The following SPATA17 variants were observed in gnomAD, a reference collection of about 807,000 sequenced individuals.
SPATA17 encodes the protein spermatogenesis associated 17, also known as spermatogenesis-associated protein 17.
Under a neutral mutation model 62.2 loss-of-function variants are expected in SPATA17, and 53 were observed. The observed-to-expected ratio is 0.85, with a 90% CI of 0.68 to 1.07. The LOEUF (loss-of-function observed/expected upper bound fraction) is 1.07, where lower values mean the gene tolerates loss of function less well. Among genes scored for constraint, SPATA17 ranks in the 50% least tolerant of loss-of-function variants. The pLI, the probability that SPATA17 is intolerant of heterozygous loss-of-function variation, is 0.00. For synonymous variants in SPATA17, 146 were observed against 146.8 expected, an observed-to-expected ratio of 0.99 and a Z score of 0.04; for missense variants, 466 against 425.5, an observed-to-expected ratio of 1.10 and a Z score of -0.84.
chr1:217,849,191 G>C (rs1675591765), intron 9 of SPATA17, among the ~76,000 whole-genome samples: 1 of 151,994 alleles, frequency 6.6e-6, no homozygotes, highest in African/African-American at 2.4e-5. Context: ...TTGATCTTTT[G>C]CTGTTTTATT....
chr1:217,842,873 G>A (rs1419879594), intron 9 of SPATA17, among the ~76,000 whole-genome samples: 2 of 151,546 alleles, frequency 1.3e-5, no homozygotes. Flanking sequence ...TTTAATCTAT[G>A]TATATAAGGC....
At chr1:217,758,687 T>C (rs922046489) in intron 6 of SPATA17, among the ~76,000 whole-genome samples, 1 of 152,130 alleles carries the variant, frequency 6.6e-6, no homozygotes, top group African/African-American at 2.4e-5. Context: ...GTGATTAACA[T>C]AATCAACAAT....
intron 8 of SPATA17, among the ~76,000 whole-genome samples, chr1:217,797,930 G>A (rs570772701): frequency 7.2e-5 from 11 of 152,120 alleles, no homozygotes; most frequent in Non-Finnish European, 1.6e-4. Context: ...CTTTTAAGCA[G>A]ATATTCTGGG....
chr1:217,708,288 AAGAT>A (rs1351607470), intron 5 of SPATA17, among the ~76,000 whole-genome samples: 3 of 152,128 alleles, frequency 2.0e-5, no homozygotes, highest in Non-Finnish European at 2.9e-5. Context: ...AAGAGTTAAT[AAGAT>A]AGACCACTAG....
intron 5 of SPATA17, among the ~76,000 whole-genome samples, chr1:217,689,242 T>C (rs2102910633): frequency 7.7e-6 from 1 of 129,120 alleles, no homozygotes; most frequent in Non-Finnish European, 1.6e-5. Context: ...TTTTTTTTTT[T>C]TGAGACAGAG....
chr1:217,726,160 G>A (rs985447483), intron 5 of SPATA17, among the ~76,000 whole-genome samples: 1 of 152,108 alleles, frequency 6.6e-6, no homozygotes, highest in African/African-American at 2.4e-5. Flanking sequence ...CATCTGATGA[G>A]GGATGAAGAA....
At chr1:217,649,934 C>CTTTTTTTT (rs771612819) in intron 2 of SPATA17, among the ~76,000 whole-genome samples, 1 of 120,462 alleles carries the variant, frequency 8.3e-6, no homozygotes, top group African/African-American at 3.1e-5. Context: ...AGGCTTCTCT[C>CTTTTTTTT]TTTTTTTTTT....
In SPATA17 at chr1:217,831,865, C is replaced by A. The variant is rs989561395; in HGVS notation, c.1005+30015C>A. 3.9e-5 allele frequency among the ~76,000 whole-genome samples: 6 copies of A among 152,146 alleles called. No individual in the cohort carries two copies. The South Asian group carries it at 8.3e-4, about 21-fold the overall frequency. ...TCACTTTTATGTCATATGTGTATTA[C>A]CTTTAAAAACTATTTCTATTTTATT... On this transcript the variant is annotated intron_variant, in intron 9 of 10. Transcript: ENST00000366933.
intron 5 of SPATA17, among the ~76,000 whole-genome samples, chr1:217,683,834 A>G (rs1260870005): frequency 6.6e-6 from 1 of 151,946 alleles, no homozygotes; most frequent in Non-Finnish European, 1.5e-5. Context: ...TTATTATTAT[A>G]TTAAAAAAAT....
At chr1:217,653,160 T>C (rs1051902645) in intron 3 of SPATA17, among the ~76,000 whole-genome samples, 3 of 152,032 alleles carry the variant, frequency 2.0e-5, no homozygotes, top group East Asian at 3.8e-4. Flanking sequence ...AGTGTGTGGA[T>C]AGATAGATAC....
In SPATA17 at chr1:217,683,250, T is replaced by G. The variant is rs1336086646; in HGVS notation, c.292-8T>G. On this transcript the variant is annotated splice_region_variant and splice_polypyrimidine_tract_variant and intron_variant, in intron 4 of 10. Transcript: ENST00000366933. ...TGGCATATTTTATCTCTTTATTTAC[T>G]TTAATAGATTCAGAGACGATGGCGA... The G allele has an allele frequency of 6.3e-7, 1 of 1,577,628 alleles. No individual in the cohort carries two copies. The highest frequency in any genetic ancestry group is 1.8e-5 in the Admixed American group (1 of 56,390).
At chr1:217,817,145 A>C (rs1044061634) in intron 9 of SPATA17, among the ~76,000 whole-genome samples, 10 of 152,090 alleles carry the variant, frequency 6.6e-5, no homozygotes, top group African/African-American at 2.4e-4. Context: ...AAACTGGAGG[A>C]TATTTAATAA....
chr1:217,671,766 G>A (rs888040890), intron 4 of SPATA17, among the ~76,000 whole-genome samples: 5 of 152,144 alleles, frequency 3.3e-5, no homozygotes, highest in South Asian at 2.1e-4. Context: ...AGGTTGGAAC[G>A]ATCCACTAAT....
chr1:217,719,232 T>A (rs984936695), intron 5 of SPATA17, among the ~76,000 whole-genome samples: 1 of 152,230 alleles, frequency 6.6e-6, no homozygotes, highest in Non-Finnish European at 1.5e-5. Context: ...AAACACCTCT[T>A]GAACAGGAAC....
chr1:217,846,504 G>A (rs528511683), intron 9 of SPATA17, among the ~76,000 whole-genome samples: 1 of 152,036 alleles, frequency 6.6e-6, no homozygotes, highest in Non-Finnish European at 1.5e-5. Context: ...TGTTAATAAA[G>A]ATGCTATGAA....
intron 5 of SPATA17, among the ~76,000 whole-genome samples, chr1:217,708,878 A>T (rs929555174): frequency 6.6e-6 from 1 of 152,200 alleles, no homozygotes; most frequent in African/African-American, 2.4e-5. Flanking sequence ...TAGGTTCAAC[A>T]TACAGAAATC....
intron 5 of SPATA17, among the ~76,000 whole-genome samples, chr1:217,701,301 A>ATGTGTG (rs761293392): frequency 6.7e-6 from 1 of 149,488 alleles, no homozygotes; most frequent in African/African-American, 2.5e-5. Context: ...GTGTGTGTAT[A>ATGTGTG]TGTGTGTGTG....
Position 217,800,497 on chromosome 1 carries a change from G to C in SPATA17, c.873-1221G>C, listed in dbSNP as rs567967714. Among the ~76,000 whole-genome samples the C allele has an allele frequency of 4.6e-5, 7 of 152,142 alleles. No individual in the cohort carries two copies. The East Asian group carries it at 1.4e-3, about 29-fold the overall frequency. The stretch of plus-strand genomic sequence containing the variant: ...GCTTTCCTTGAGACTAGAGCTTTTT[G>C]GTGTAAATTTTTCTGAGAATAGGCT... On this transcript the variant is annotated intron_variant, in intron 8 of 10. Coordinates refer to ENST00000366933, the MANE Select transcript of SPATA17 (RefSeq NM_138796.4).
At chr1:217,699,623 G>A (rs144278101) in intron 5 of SPATA17, among the ~76,000 whole-genome samples, 1,821 of 151,958 alleles carry the variant, frequency 0.012, 31 homozygotes, top group Middle Eastern at 0.051. Flanking sequence ...TCAAATATGT[G>A]GTTTGAAAAT....
Sources: allele counts gnomAD v4.1 joint callset (sites outside exome capture counted in the v4.1 genomes callset), GRCh38; gene constraint gnomAD v4.1.1; transcripts MANE v1.5; gene names NCBI Gene and HGNC (gene_info 2026-07-23, HGNC 2026-07-21).